SLC39A11: variants seen among roughly 807,000 people sequenced by gnomAD.
SLC39A11 encodes solute carrier family 39 member 11, also known as zinc transporter ZIP11.
A neutral mutation model predicts 36.1 loss-of-function variants in SLC39A11; 33 were observed. The ratio of observed to expected loss-of-function variants is 0.91; its 90% CI spans 0.69 to 1.22. The LOEUF is 1.22. SLC39A11 is among the 50% of genes most tolerant of loss of function. SLC39A11 has a pLI of 0.00. For missense variants in SLC39A11, 432 were observed against 430.3 expected (o/e 1.00, Z -0.03); for synonymous variants, 166 against 170.3 (o/e 0.97, Z 0.20).
intron 4 of SLC39A11, among the ~76,000 whole-genome samples, chr17:72,974,940 T>C (rs774065877): frequency 1.3e-5 from 2 of 152,250 alleles, no homozygotes; most frequent in Admixed American, 6.5e-5. Context: ...TAACATACTA[T>C]ACAGGTTTGT....
chr17:72,663,751 G>C (rs781777971), intron 7 of SLC39A11: 1 of 152,082 alleles, frequency 6.6e-6, no homozygotes, highest in African/African-American at 2.4e-5. Context: ...TCTGTCCCGC[G>C]AAGCATCTCT....
chr17:72,902,258 C>T (rs1042780688), intron 5 of SLC39A11, among the ~76,000 whole-genome samples: 6 of 148,260 alleles, frequency 4.0e-5, no homozygotes, highest in South Asian at 2.1e-4. Flanking sequence ...GTAATAAGAG[C>T]GAAGCTCTGT....
At chr17:72,831,302 CA>C (rs1017877193) in intron 6 of SLC39A11, among the ~76,000 whole-genome samples, 5 of 152,120 alleles carry the variant, frequency 3.3e-5, no homozygotes, top group African/African-American at 1.2e-4. Flanking sequence ...GGCTCTGCAG[CA>C]GAAAGGAAAT....
intron 3 of SLC39A11, among the ~76,000 whole-genome samples, chr17:73,083,759 T>C (rs1224816413): frequency 1.3e-5 from 2 of 152,060 alleles, no homozygotes; most frequent in Non-Finnish European, 2.9e-5. Flanking sequence ...ACTTAAAAGA[T>C]ATAACAAGCA....
At chr17:72,894,669 C>CAAAA (rs10657098) in intron 5 of SLC39A11, among the ~76,000 whole-genome samples, 4,120 of 121,176 alleles carry the variant, frequency 0.034, 263 homozygotes, top group African/African-American at 0.12. Context: ...GACCCTGTCT[C>CAAAA]AAAAAAAAAA....
intron 6 of SLC39A11, among the ~76,000 whole-genome samples, chr17:72,805,154 T>C (rs2077210214): frequency 6.6e-6 from 1 of 152,152 alleles, no homozygotes; most frequent in South Asian, 2.1e-4. Context: ...TGTAAATATT[T>C]TGGTACTATT....
intron 5 of SLC39A11, among the ~76,000 whole-genome samples, chr17:72,873,513 A>T (rs2080749034): frequency 6.6e-6 from 1 of 152,112 alleles, no homozygotes; most frequent in Non-Finnish European, 1.5e-5. Flanking sequence ...TCTTGCCATT[A>T]AGTGTTTGGC....
chr17:72,877,517 C>A (rs1001006724), intron 5 of SLC39A11, among the ~76,000 whole-genome samples: 1 of 152,170 alleles, frequency 6.6e-6, no homozygotes. Context: ...AATCAGTTCA[C>A]GATGCTTGAT....
At chr17:73,017,135 A>G (rs912373848) in intron 4 of SLC39A11, among the ~76,000 whole-genome samples, 8 of 152,292 alleles carry the variant, frequency 5.3e-5, no homozygotes, top group East Asian at 1.9e-4. Context: ...AACGAGGGGG[A>G]AAAATGAGGC....
intron 4 of SLC39A11, among the ~76,000 whole-genome samples, chr17:72,950,478 G>A (rs556575657): frequency 2.6e-5 from 4 of 152,252 alleles, no homozygotes; most frequent in South Asian, 2.1e-4. Flanking sequence ...GATATGCCAC[G>A]GGCCATGGAG....
intron 6 of SLC39A11, among the ~76,000 whole-genome samples, chr17:72,772,971 A>G (rs1442274054): frequency 6.6e-6 from 1 of 152,180 alleles, no homozygotes; most frequent in East Asian, 1.9e-4. Context: ...CTGTAATCCC[A>G]GCTACTCGGG....
chr17:72,820,361 T>C (rs1246351453), intron 6 of SLC39A11, among the ~76,000 whole-genome samples: 1 of 151,288 alleles, frequency 6.6e-6, no homozygotes, highest in Non-Finnish European at 1.5e-5. Flanking sequence ...AATACATTTG[T>C]AGCTGTCTTA....
chr17:72,705,952 G>A (rs1179294512), intron 7 of SLC39A11, among the ~76,000 whole-genome samples: 1 of 152,188 alleles, frequency 6.6e-6, no homozygotes, highest in Non-Finnish European at 1.5e-5. Flanking sequence ...TCTATTCTCT[G>A]TACATTTTTT....
chr17:72,920,476 G>A (rs1453999125), intron 5 of SLC39A11, among the ~76,000 whole-genome samples: 1 of 151,554 alleles, frequency 6.6e-6, no homozygotes, highest in Non-Finnish European at 1.5e-5. Flanking sequence ...CCAAATATCT[G>A]CCTGGTTTGG....
chr17:72,862,769 G>C (rs989438419), intron 5 of SLC39A11, among the ~76,000 whole-genome samples: 2 of 152,146 alleles, frequency 1.3e-5, no homozygotes, highest in Non-Finnish European at 2.9e-5. Context: ...AAGATGAAGA[G>C]GCAATTATCC....
At chr17:72,714,027 T>C (rs556245637) in intron 7 of SLC39A11, among the ~76,000 whole-genome samples, 53 of 152,288 alleles carry the variant, frequency 3.5e-4, no homozygotes, top group Non-Finnish European at 7.4e-4. Flanking sequence ...TGCATAGATA[T>C]TAGGTTTGCC....
chr17:72,966,608 C>G lies in SLC39A11; in HGVS notation c.307-18733G>C, dbSNP rs375953212. Reference sequence around the variant, plus strand: ...TTTTTGAGACGGAGGCTCGCTCTGTCGCCCAGGCTGGAGTGCAGTGGCGCG... The same window carrying G: ...TTTTTGAGACGGAGGCTCGCTCTGTGGCCCAGGCTGGAGTGCAGTGGCGCG... On this transcript the variant is annotated intron_variant, in intron 4 of 9. Transcript: ENST00000255559. Among the ~76,000 whole-genome samples, 24 of 152,114 alleles carry G rather than the reference C, an allele frequency of 1.6e-4. No homozygotes were observed. The East Asian group carries it at 2.7e-3, about 17-fold the overall frequency.
At chr17:72,652,371 C>G (rs2069891319) in intron 7 of SLC39A11, among the ~76,000 whole-genome samples, 1 of 152,200 alleles carries the variant, frequency 6.6e-6, no homozygotes, top group African/African-American at 2.4e-5. Context: ...CTGTCCAAAT[C>G]CTGGGTCTGT....
intron 6 of SLC39A11, among the ~76,000 whole-genome samples, chr17:72,816,182 TAG>T (rs1365453064): frequency 2.0e-5 from 3 of 152,198 alleles, no homozygotes; most frequent in Non-Finnish European, 4.4e-5. Flanking sequence ...TGCCCAGTTG[TAG>T]AGTGTCCTTT....
Sources: allele counts gnomAD v4.1 joint callset (sites outside exome capture counted in the v4.1 genomes callset), GRCh38; gene constraint gnomAD v4.1.1; transcripts MANE v1.5; gene names NCBI Gene and HGNC (gene_info 2026-07-23, HGNC 2026-07-21).